Variants in TACR3 observed in about 807,000 individuals in gnomAD.
The protein encoded by TACR3 is tachykinin receptor 3, also known as neuromedin-K receptor.
Under a neutral mutation model 35.0 loss-of-function variants are expected in TACR3, and 34 were observed. That is an observed-to-expected ratio of 0.97 (90% confidence interval 0.74 to 1.30). The LOEUF (loss-of-function observed/expected upper bound fraction) is 1.30, where lower values mean the gene tolerates loss of function less well. TACR3 is among the 50% of genes most tolerant of loss of function. TACR3 has a pLI of 0.00. For synonymous variants in TACR3, 233 were observed against 221.1 expected, an observed-to-expected ratio of 1.05 and a Z score of -0.48; for missense variants, 558 against 591.7, an observed-to-expected ratio of 0.94 and a Z score of 0.59.
At chr4:103,702,523 C>A (rs1290952134) in intron 1 of TACR3, among the ~76,000 whole-genome samples, 1 of 152,074 alleles carries the variant, frequency 6.6e-6, no homozygotes, top group Non-Finnish European at 1.5e-5. Context: ...ACTAGAAATA[C>A]CATTTGACTC....
At chr4:103,671,273 G>A (rs761347261) in intron 1 of TACR3, among the ~76,000 whole-genome samples, 11 of 151,874 alleles carry the variant, frequency 7.2e-5, no homozygotes, top group African/African-American at 2.2e-4. Context: ...TCTCTGCCTG[G>A]TTTTGGTATC....
At chr4:103,634,574 C>T (rs1241630926) in intron 3 of TACR3, among the ~76,000 whole-genome samples, 1 of 152,056 alleles carries the variant, frequency 6.6e-6, no homozygotes. Flanking sequence ...CAGTTGTCAT[C>T]TTCATCAGCA....
At chr4:103,688,528 C>T (rs1234657752) in intron 1 of TACR3, among the ~76,000 whole-genome samples, 199 of 150,688 alleles carry the variant, frequency 1.3e-3, no homozygotes, top group Non-Finnish European at 2.2e-3. Flanking sequence ...CCAGAATCTA[C>T]AATGAACTCA....
chr4:103,592,909 C>T (rs530712578), intron 3 of TACR3, among the ~76,000 whole-genome samples: 77 of 152,146 alleles, frequency 5.1e-4, no homozygotes, highest in Admixed American at 1.3e-3. Flanking sequence ...AATCACTGTA[C>T]CATCCAGGTG....
intron 1 of TACR3, among the ~76,000 whole-genome samples, chr4:103,706,463 T>A (rs1722792506): frequency 6.6e-6 from 1 of 152,174 alleles, no homozygotes; most frequent in African/African-American, 2.4e-5. Flanking sequence ...AATAACAGCA[T>A]GTTAATTCAT....
chr4:103,607,083 C>T (rs970176300), intron 3 of TACR3, among the ~76,000 whole-genome samples: 19 of 152,140 alleles, frequency 1.2e-4, no homozygotes, highest in South Asian at 8.3e-4. Context: ...GTTCAATATA[C>T]GCAAATCAAT....
chr4:103,640,174 C>T (rs1725321668), intron 3 of TACR3, among the ~76,000 whole-genome samples: 1 of 151,994 alleles, frequency 6.6e-6, no homozygotes, highest in African/African-American at 2.4e-5. Context: ...AGACCAGTAA[C>T]TGGCAATGCA....
rs1203002541 is a variant in TACR3 at position 103,587,239 on chromosome 4, TTC to T, written c.*2441_*2442del. 5 of 151,668 alleles carry T rather than the reference TTC, an allele frequency of 3.3e-5. No homozygotes were observed. In the East Asian group the frequency reaches 7.7e-4, roughly 23 times the overall value. 9.4% of individuals were successfully genotyped at this position (151,668 alleles called of 1,614,324 possible). On this transcript the variant is annotated 3_prime_UTR_variant, in exon 5 of 5. Coordinates refer to ENST00000304883, the MANE Select transcript of TACR3 (RefSeq NM_001059.3). The stretch of plus-strand genomic sequence containing the variant: ...AATGCAGACAAAAGAGTGAAAAATC[TTC>T]TCTTTTATATTTCACTCTTGTTTTA...
Position 103,627,313 on chromosome 4 carries a change from G to A in TACR3, c.888+28881C>T, listed in dbSNP as rs371449099. Reference sequence around the variant, plus strand: ...ATGGATCACCTGAGGTCAGGAGTACGAGACCAGTCTGGCCAACATGGTGAA... The same window carrying A: ...ATGGATCACCTGAGGTCAGGAGTACAAGACCAGTCTGGCCAACATGGTGAA... On this transcript the variant is annotated intron_variant, in intron 3 of 4. Coordinates refer to ENST00000304883, the MANE Select transcript of TACR3 (RefSeq NM_001059.3). Among the ~76,000 whole-genome samples, 102 of 136,010 alleles carry A rather than the reference G, an allele frequency of 7.5e-4. No individual in the cohort carries two copies. In the East Asian group the frequency reaches 0.013, roughly 17 times the overall value. The allele number at this position is 136,010 out of a possible 152,430, so 89.2% of individuals were successfully genotyped here. A position where few individuals can be genotyped will look rare whatever the true frequency, so the allele number is the denominator to read the frequency against.
intron 1 of TACR3, among the ~76,000 whole-genome samples, chr4:103,706,095 G>C (rs563099670): frequency 6.6e-6 from 1 of 152,198 alleles, no homozygotes; most frequent in East Asian, 1.9e-4. Context: ...AGTAAAGGCA[G>C]AAAAAATGTA....
At chr4:103,608,216 A>C (rs536594353) in intron 3 of TACR3, among the ~76,000 whole-genome samples, 4 of 152,196 alleles carry the variant, frequency 2.6e-5, no homozygotes, top group African/African-American at 9.6e-5. Flanking sequence ...CACCATGGGA[A>C]ACTACATAGC....
intron 3 of TACR3, among the ~76,000 whole-genome samples, chr4:103,637,315 T>C (rs1725215633): frequency 6.6e-6 from 1 of 152,114 alleles, no homozygotes; most frequent in Non-Finnish European, 1.5e-5. Flanking sequence ...ATCCAGCATA[T>C]AAACAGAACC....
In TACR3 at chr4:103,588,902, TAA is replaced by T. The variant is rs1321901888; in HGVS notation, c.*778_*779del. 1 of 152,086 alleles carries T rather than the reference TAA, an allele frequency of 6.6e-6. No individual in the cohort carries two copies. Among genetic ancestry groups the T allele is most frequent in the Admixed American group, 6.6e-5 (1 of 15,234 alleles). The allele number at this position is 152,086 out of a possible 1,614,324, so 9.4% of individuals were successfully genotyped here. On this transcript the variant is annotated 3_prime_UTR_variant, in exon 5 of 5. Coordinates refer to ENST00000304883, the MANE Select transcript of TACR3 (RefSeq NM_001059.3). Reference sequence around the variant, plus strand: ...AGCTATTTAAAAAATCTGTGAAAAATAAAAAATGATAGGAATTTTCTTCATAT... The same window carrying T: ...AGCTATTTAAAAAATCTGTGAAAAATAAAATGATAGGAATTTTCTTCATAT...
At chr4:103,623,778 C>A (rs1157549762) in intron 3 of TACR3, among the ~76,000 whole-genome samples, 2 of 152,080 alleles carry the variant, frequency 1.3e-5, no homozygotes, top group African/African-American at 2.4e-5. Flanking sequence ...TATGCATAGT[C>A]CTTCTTGCAA....
intron 1 of TACR3, among the ~76,000 whole-genome samples, chr4:103,704,245 A>T (rs994174900): frequency 6.6e-6 from 1 of 152,160 alleles, no homozygotes; most frequent in Non-Finnish European, 1.5e-5. Context: ...TGCTGAGGGC[A>T]AAGTTTGTAA....
intron 3 of TACR3, among the ~76,000 whole-genome samples, chr4:103,603,253 TA>T (rs1460121261): frequency 6.6e-6 from 1 of 152,130 alleles, no homozygotes; most frequent in Non-Finnish European, 1.5e-5. Context: ...AAAAGCGAAA[TA>T]TTAGGGTGGG....
chr4:103,638,673 A>G (rs1433574075), intron 3 of TACR3, among the ~76,000 whole-genome samples: 1 of 152,128 alleles, frequency 6.6e-6, no homozygotes, highest in African/African-American at 2.4e-5. Flanking sequence ...ATGGGAGAAA[A>G]TTTTTGCAAC....
chr4:103,715,867 T>C (rs1043008183), intron 1 of TACR3, among the ~76,000 whole-genome samples: 2 of 152,174 alleles, frequency 1.3e-5, no homozygotes, highest in Admixed American at 1.3e-4. Flanking sequence ...CCTTCTACTT[T>C]CTCAAGTAAA....
chr4:103,707,773 G>A (rs984588415), intron 1 of TACR3, among the ~76,000 whole-genome samples: 2 of 152,076 alleles, frequency 1.3e-5, no homozygotes, highest in Non-Finnish European at 2.9e-5. Context: ...TGTGACAGAC[G>A]GCACATGGAA....
Sources: allele counts gnomAD v4.1 joint callset (sites outside exome capture counted in the v4.1 genomes callset), GRCh38; gene constraint gnomAD v4.1.1; transcripts MANE v1.5; gene names NCBI Gene and HGNC (gene_info 2026-07-23, HGNC 2026-07-21).